CNTN5: variants seen among roughly 807,000 people sequenced by gnomAD.
CNTN5 encodes contactin-5.
CNTN5 carries 77 observed loss-of-function variants against 129.1 expected under a neutral mutation model. The ratio of observed to expected loss-of-function variants is 0.60; its 90% CI spans 0.50 to 0.72. The LOEUF is 0.72. Ranked by LOEUF, CNTN5 falls within the 30% of genes least tolerant of loss-of-function variation. The pLI is 0.00. For missense variants in CNTN5, 1,478 were observed against 1,328.8 expected (o/e 1.11, Z -1.75); for synonymous variants, 509 against 465.6 (o/e 1.09, Z -1.20).
Position 99,412,029 on chromosome 11 carries a change from A to T in CNTN5, c.-71+86545A>T, listed in dbSNP as rs527884107. 2.0e-5 allele frequency among the ~76,000 whole-genome samples: 3 copies of T among 152,368 alleles called. No individual in the cohort carries two copies. The East Asian group carries it at 5.8e-4, about 29-fold the overall frequency. Reference sequence around the variant, plus strand: ...AACTAAGAAGCATACCAGAATAAAAATAAAGAAATGGGGAAATGAAGCTTT... The same window carrying T: ...AACTAAGAAGCATACCAGAATAAAATTAAAGAAATGGGGAAATGAAGCTTT... On this transcript the variant is annotated intron_variant, in intron 2 of 24. Coordinates refer to ENST00000524871, the MANE Select transcript of CNTN5 (RefSeq NM_014361.4).
At chr11:99,917,504 A>G (rs1397328784) in intron 7 of CNTN5, among the ~76,000 whole-genome samples, 1 of 152,090 alleles carries the variant, frequency 6.6e-6, no homozygotes, top group Admixed American at 6.6e-5. Context: ...TAGTTGAATA[A>G]TTGTTAGAGA....
At chr11:99,233,655 A>T (rs1226374305) in intron 1 of CNTN5, among the ~76,000 whole-genome samples, 1 of 152,156 alleles carries the variant, frequency 6.6e-6, no homozygotes, top group Non-Finnish European at 1.5e-5. Flanking sequence ...TGTATTAAAT[A>T]ATTTGTTTTA....
At chr11:99,686,215 T>G (rs544921425) in intron 3 of CNTN5, among the ~76,000 whole-genome samples, 1 of 152,204 alleles carries the variant, frequency 6.6e-6, no homozygotes, top group Non-Finnish European at 1.5e-5. Flanking sequence ...GACCCACCAA[T>G]TTATCCACTG....
At chr11:99,072,208 T>C (rs1229737667) in intron 1 of CNTN5, among the ~76,000 whole-genome samples, 1 of 152,028 alleles carries the variant, frequency 6.6e-6, no homozygotes, top group Non-Finnish European at 1.5e-5. Flanking sequence ...TGTTGAGTTG[T>C]CAAAAGTTTA....
At chr11:100,088,584 G>A (rs1295282392) in intron 13 of CNTN5, among the ~76,000 whole-genome samples, 4 of 151,468 alleles carry the variant, frequency 2.6e-5, no homozygotes, top group East Asian at 4.0e-4. Flanking sequence ...AAATACATAA[G>A]ATCCTCAGAG....
intron 1 of CNTN5, among the ~76,000 whole-genome samples, chr11:99,071,967 G>A (rs1454777899): frequency 2.0e-5 from 3 of 152,058 alleles, no homozygotes; most frequent in Non-Finnish European, 4.4e-5. Context: ...AAAGAAGGAA[G>A]TAATAATACA....
chr11:99,984,276 A>G (rs537705401), intron 8 of CNTN5, among the ~76,000 whole-genome samples: 1 of 150,454 alleles, frequency 6.6e-6, no homozygotes, highest in Admixed American at 6.6e-5. Context: ...CTCCATCACA[A>G]AAAAAGAGAG....
intron 23 of CNTN5, among the ~76,000 whole-genome samples, chr11:100,345,520 T>C (rs1952260590): frequency 6.6e-6 from 1 of 151,362 alleles, no homozygotes; most frequent in African/African-American, 2.4e-5. Flanking sequence ...CAGCAACATA[T>C]ATAACTAGCA....
chr11:99,296,106 G>GA (rs1327175034), intron 1 of CNTN5, among the ~76,000 whole-genome samples: 1 of 151,988 alleles, frequency 6.6e-6, no homozygotes. Context: ...CATAAACAAG[G>GA]AAAAAATATT....
At chr11:99,878,456 C>T (rs1229022110) in intron 6 of CNTN5, among the ~76,000 whole-genome samples, 1 of 152,120 alleles carries the variant, frequency 6.6e-6, no homozygotes, top group Admixed American at 6.5e-5. Flanking sequence ...GTAGTGATGG[C>T]ATGTGCAATA....
intron 9 of CNTN5, among the ~76,000 whole-genome samples, chr11:100,011,753 T>TTATC (rs1186293572): frequency 4.6e-5 from 7 of 152,188 alleles, no homozygotes; most frequent in African/African-American, 1.7e-4. Flanking sequence ...ATGTTTACTG[T>TTATC]AAATAAAAAG....
At chr11:99,817,596 G>GTTTTTTTTT (rs372057505) in intron 3 of CNTN5, among the ~76,000 whole-genome samples, 10 of 99,626 alleles carry the variant, frequency 1.0e-4, no homozygotes, top group South Asian at 4.3e-4. Flanking sequence ...GTCTGGGATA[G>GTTTTTTTTT]TTTTTTTTTT....
At chr11:99,414,927 G>A (rs1002292506) in intron 2 of CNTN5, among the ~76,000 whole-genome samples, 1 of 152,114 alleles carries the variant, frequency 6.6e-6, no homozygotes, top group African/African-American at 2.4e-5. Context: ...GTGCTTTTTA[G>A]TTGCCTTTGG....
intron 2 of CNTN5, among the ~76,000 whole-genome samples, chr11:99,344,607 T>C (rs890760018): frequency 1.3e-5 from 2 of 152,166 alleles, no homozygotes; most frequent in Admixed American, 1.3e-4. Context: ...GCAAAGCAGA[T>C]CATATAAATA....
chr11:99,777,167 T>C (rs1945152349), intron 3 of CNTN5, among the ~76,000 whole-genome samples: 1 of 151,906 alleles, frequency 6.6e-6, no homozygotes, highest in Non-Finnish European at 1.5e-5. Context: ...CTGAAATATA[T>C]TCATGATTTT....
intron 1 of CNTN5, among the ~76,000 whole-genome samples, chr11:99,252,448 A>G (rs181024107): frequency 1.3e-5 from 2 of 151,822 alleles, no homozygotes; most frequent in East Asian, 3.9e-4. Flanking sequence ...AACCAGTAAC[A>G]TTTATCTTAT....
At chr11:100,027,983 T>C (rs181007552) in intron 9 of CNTN5, among the ~76,000 whole-genome samples, 16 of 152,352 alleles carry the variant, frequency 1.1e-4, no homozygotes, top group African/African-American at 3.1e-4. Context: ...AAACCTGCTC[T>C]AAATGTCTTT....
At chr11:100,093,062 C>T (rs73563110) in intron 13 of CNTN5, among the ~76,000 whole-genome samples, 3,031 of 152,094 alleles carry the variant, frequency 0.02, 115 homozygotes, top group African/African-American at 0.07. Context: ...CAGTATCTGC[C>T]TCCTCTCTCA....
intron 2 of CNTN5, among the ~76,000 whole-genome samples, chr11:99,373,055 A>C (rs1939926150): frequency 7.1e-6 from 1 of 141,378 alleles, no homozygotes; most frequent in South Asian, 2.2e-4. Context: ...CTAAAACTAC[A>C]AAAATTAGCG....
Sources: allele counts gnomAD v4.1 joint callset (sites outside exome capture counted in the v4.1 genomes callset), GRCh38; gene constraint gnomAD v4.1.1; transcripts MANE v1.5; gene names NCBI Gene and HGNC (gene_info 2026-07-23, HGNC 2026-07-21).